HEXB: variants seen among roughly 807,000 people sequenced by gnomAD.
The protein encoded by HEXB is hexosaminidase subunit beta, also known as beta-hexosaminidase subunit beta.
A neutral mutation model predicts 71.2 loss-of-function variants in HEXB; 51 were observed. The ratio of observed to expected loss-of-function variants is 0.72; its 90% confidence interval spans 0.57 to 0.90. HEXB has a LOEUF of 0.90. HEXB is among the 40% of genes least tolerant of loss of function. HEXB has a pLI of 0.00. For synonymous variants in HEXB, 266 were observed against 249.3 expected, an observed-to-expected ratio of 1.07 and a Z score of -0.63; for missense variants, 617 against 677.0, an observed-to-expected ratio of 0.91 and a Z score of 0.98.
chr5:74,657,660 T>G (rs568884191), intron 1 of HEXB, among the ~76,000 whole-genome samples: 1 of 152,248 alleles, frequency 6.6e-6, no homozygotes, highest in Non-Finnish European at 1.5e-5. Flanking sequence ...TAGCTATTCA[T>G]CAAAATTTTA....
chr5:74,697,329 G>A (rs766337321), intron 5 of HEXB, among the ~76,000 whole-genome samples: 3 of 152,206 alleles, frequency 2.0e-5, no homozygotes, highest in Non-Finnish European at 4.4e-5. Flanking sequence ...CGTATAACAT[G>A]TATTTAGCCA....
intron 1 of HEXB, among the ~76,000 whole-genome samples, chr5:74,653,423 T>C (rs528864351): frequency 9.1e-4 from 139 of 152,336 alleles, no homozygotes; most frequent in African/African-American, 3.0e-3. Context: ...GGAATCGCTT[T>C]CTGCTCCCAC....
At chr5:74,720,294 T>A in intron 11 of HEXB, 134 bp from the exon 12 acceptor site, 1 of 725,888 alleles carries the variant, frequency 1.4e-6, no homozygotes, top group Non-Finnish European at 2.5e-6. Flanking sequence ...ACCATTAGCA[T>A]CTCCCAAGGT....
intron 3 of HEXB, among the ~76,000 whole-genome samples, chr5:74,696,387 T>A (rs146428794): frequency 1.3e-5 from 2 of 152,208 alleles, no homozygotes; most frequent in Non-Finnish European, 2.9e-5. Flanking sequence ...AAGGAACCAG[T>A]ATTTTATTAA....
chr5:74,677,121 G>A (rs1580372830), intron 1 of HEXB, among the ~76,000 whole-genome samples: 4 of 151,998 alleles, frequency 2.6e-5, no homozygotes, highest in South Asian at 2.1e-4. Context: ...TCCTGACCTC[G>A]TGATCTACCC....
chr5:74,690,376 G>A (rs1008265508), intron 2 of HEXB, among the ~76,000 whole-genome samples: 11 of 152,062 alleles, frequency 7.2e-5, no homozygotes, highest in African/African-American at 2.4e-4. Flanking sequence ...GAGGCTGGAC[G>A]CTGTGGCTCA....
chr5:74,643,884 C>T (rs1326260372), intron 1 of HEXB, among the ~76,000 whole-genome samples: 2 of 152,198 alleles, frequency 1.3e-5, no homozygotes, highest in Non-Finnish European at 2.9e-5. Context: ...GCTGGTATTC[C>T]AAAAGCGCCC....
chr5:74,721,184 G>A lies in HEXB; in HGVS notation c.*9G>A, dbSNP rs75974765. Reference sequence around the variant, plus strand: ...ACCATGAGAACATGTAAAAAATGGAGGGGAAAAAGGCCACAGCAATCTGTA... The same window carrying A: ...ACCATGAGAACATGTAAAAAATGGAAGGGAAAAAGGCCACAGCAATCTGTA... On this transcript the variant is annotated 3_prime_UTR_variant, in exon 14 of 14. Coordinates refer to ENST00000261416, the MANE Select transcript of HEXB (RefSeq NM_000521.4). The A allele has an allele frequency of 1.2e-6, 2 of 1,608,088 alleles. No individual in the cohort carries two copies. The highest frequency in any genetic ancestry group is 1.7e-6 in the Non-Finnish European group (2 of 1,174,688).
upstream of HEXB, among the ~76,000 whole-genome samples, chr5:74,683,305 T>C (rs820867): frequency 0.54 from 81,331 of 151,288 alleles, 22,219 homozygotes; most frequent in Middle Eastern, 0.58. Flanking sequence ...GTTTCTTCTT[T>C]TTTTTTTTTT....
intron 1 of HEXB, among the ~76,000 whole-genome samples, chr5:74,646,504 A>G (rs1365184207): frequency 6.6e-6 from 1 of 151,782 alleles, no homozygotes; most frequent in Non-Finnish European, 1.5e-5. Flanking sequence ...TCTGTTATTG[A>G]TACTGTCTTC....
At chr5:74,651,751 C>T (rs1277010762) in intron 1 of HEXB, among the ~76,000 whole-genome samples, 2 of 152,170 alleles carry the variant, frequency 1.3e-5, no homozygotes, top group South Asian at 2.1e-4. Context: ...TGCTTTTCCT[C>T]TCATGATAAG....
chr5:74,665,435 TGTAGG>T (rs1748415756), intron 1 of HEXB, among the ~76,000 whole-genome samples: 2 of 152,200 alleles, frequency 1.3e-5, no homozygotes, highest in South Asian at 4.1e-4. Flanking sequence ...TGTGTGTGTG[TGTAGG>T]AGGAGGAGAG....
upstream of HEXB, among the ~76,000 whole-genome samples, chr5:74,684,777 A>G (rs1046806995): frequency 5.6e-4 from 84 of 149,358 alleles, no homozygotes; most frequent in Non-Finnish European, 1.1e-3. Context: ...TCCCGGGTTC[A>G]AGAGATTCTC....
At chr5:74,685,630 C>A in intron 1 of HEXB, 71 bp downstream of exon 1, 2 of 1,377,016 alleles carry the variant, frequency 1.5e-6, no homozygotes, top group Non-Finnish European at 2.0e-6. Context: ...GAGCGCTGTG[C>A]AGACCCTCAC....
Position 74,652,606 on chromosome 5 carries a change from A to G in HEXB, c.-377+12048A>G, listed in dbSNP as rs1748139484. 6.6e-6 allele frequency among the ~76,000 whole-genome samples: 1 copy of G among 152,190 alleles called. No individual in the cohort carries two copies. Among genetic ancestry groups the G allele is most frequent in the African/African-American group, 2.4e-5 (1 of 41,436 alleles). ...TTTTACCATAAGACCCTAATCTGCT[A>G]GTTTGGTGGAAACTTCATTTGAGTC... On this transcript the variant is annotated intron_variant, in intron 1 of 13. Transcript: ENST00000511181. The surrounding 1 kb of genome is among the most constrained non-coding windows in gnomAD (Gnocchi z 5.4).
intron 1 of HEXB, among the ~76,000 whole-genome samples, chr5:74,672,229 T>C (rs1228440346): frequency 6.6e-6 from 1 of 152,186 alleles, no homozygotes; most frequent in Non-Finnish European, 1.5e-5. Flanking sequence ...CTTCAGGGAA[T>C]GTACTCCTTG....
intron 5 of HEXB, 85 bp from the exon 6 acceptor site, chr5:74,705,134 T>C: frequency 1.2e-6 from 1 of 811,754 alleles, no homozygotes. Context: ...AGCAGACATA[T>C]TGGAAGCAAT....
At chr5:74,662,991 G>A (rs1748355934) in intron 1 of HEXB, among the ~76,000 whole-genome samples, 1 of 152,004 alleles carries the variant, frequency 6.6e-6, no homozygotes, top group Admixed American at 6.6e-5. Flanking sequence ...ACCATCATAC[G>A]GATTTTTTAA....
At chr5:74,656,480 AAAAATAAAATAAAAT>A (rs369978790) in intron 1 of HEXB, among the ~76,000 whole-genome samples, 52 of 145,808 alleles carry the variant, frequency 3.6e-4, no homozygotes, top group Middle Eastern at 3.4e-3. Context: ...CTCTGTCTCA[AAAAATAAAATAAAAT>A]AAAATAAAAT....
Sources: allele counts gnomAD v4.1 joint callset (sites outside exome capture counted in the v4.1 genomes callset), GRCh38; gene constraint gnomAD v4.1.1; non-coding constraint Gnocchi (gnomAD v3.1); transcripts MANE v1.5; gene names NCBI Gene and HGNC (gene_info 2026-07-23, HGNC 2026-07-21).